PKLR: variants seen among roughly 807,000 people sequenced by gnomAD.
PKLR encodes pyruvate kinase PKLR.
Under a neutral mutation model 53.6 loss-of-function variants are expected in PKLR, and 38 were observed. That is an observed-to-expected ratio of 0.71 (90% CI 0.55 to 0.93). PKLR has a LOEUF of 0.93. Ranked by LOEUF, PKLR falls within the 40% of genes least tolerant of loss-of-function variation. The pLI is 0.00. For synonymous variants in PKLR, 328 were observed against 316.2 expected (o/e 1.04, Z -0.39); for missense variants, 702 against 787.3 (o/e 0.89, Z 1.30).
At position 155,299,034 on chromosome 1, in the gene PKLR, CTCT is replaced by C. The variant is rs1557963495; in HGVS notation, c.283+1061_283+1063del. 9.7e-3 allele frequency among the ~76,000 whole-genome samples: 591 copies of C among 60,992 alleles called. 24 individuals are homozygous for C. The highest frequency in any genetic ancestry group is 0.034 in the African/African-American group (371 of 10,906). The allele number at this position is 60,992 out of a possible 152,430, so 40.0% of individuals were successfully genotyped here. ...TCTTTCTTTCTTTCTTTCTTTCTTT[CTCT>C]TTCTTTCTTTCTTTCCTTCCTTCCT... On this transcript the variant is annotated intron_variant, in intron 2 of 10. Transcript: ENST00000342741.
At chr1:155,294,892 C>G in intron 5 of PKLR, 140 bp from the exon 6 acceptor site, 1 of 1,216,084 alleles carries the variant, frequency 8.2e-7, no homozygotes, top group South Asian at 1.3e-5. Flanking sequence ...TGGGCTTCGC[C>G]CGGAAGAGGC....
Position 155,294,335 on chromosome 1 carries a change from T to TC in PKLR, c.1015dup (p.Asp339GlyfsTer62), listed in dbSNP as rs1193689718. 1 of 1,613,286 alleles carries TC rather than the reference T, an allele frequency of 6.2e-7. No homozygotes were observed. Among genetic ancestry groups the TC allele is most frequent in the Non-Finnish European group, 8.5e-7 (1 of 1,179,822 alleles). ...CTCTGCTGGGATCTCGATGCCTAGG[T>TC]CCCCCCGTGCCACCATGATGCCGTC... On this transcript the variant is annotated frameshift_variant, in exon 7 of 11. Coordinates refer to ENST00000342741, the MANE Select transcript of PKLR (RefSeq NM_000298.6). LOFTEE classifies it high-confidence loss of function.
rs765388322 is a variant in PKLR, at chr1:155,293,205, C to A, written c.1408G>T (p.Ala470Ser). The change falls in exon 9 of 11, where the codon GCC (alanine) becomes TCC (serine). Residue 470 changes from alanine to serine, a missense_variant. Transcript: ENST00000342741. This position sits in a 1 kb window ranked among gnomAD's most constrained non-coding sequence, Gnocchi z 4.2. ...VEAAFKCCAAAIIVLTTTGRS... is the reference protein window; with the variant it reads ...VEAAFKCCAASIIVLTTTGRS... ...CCAGTTGTGGTCAGCACAATGATGG[C>A]AGCAGCACAGCACTTGAAGGCAGCC... 5.6e-6 allele frequency: 9 copies of A among 1,613,992 alleles called. No individual in the cohort carries two copies. The highest frequency in any genetic ancestry group is 1.6e-4 in the Middle Eastern group (1 of 6,084).
At chr1:155,297,190 C>G (rs1647648729) in intron 2 of PKLR, among the ~76,000 whole-genome samples, 1 of 152,202 alleles carries the variant, frequency 6.6e-6, no homozygotes, top group African/African-American at 2.4e-5. Flanking sequence ...ATGTAGCCAA[C>G]TCCCAAATGT....
Position 155,293,432 on chromosome 1 carries a change from T to C in PKLR, c.1269+6A>G. On this transcript the variant is annotated splice_donor_region_variant and intron_variant, in intron 8 of 10. Coordinates refer to ENST00000342741, the MANE Select transcript of PKLR (RefSeq NM_000298.6). The surrounding 1 kb of genome is among the most constrained non-coding windows in gnomAD (Gnocchi z 4.2). ...GGCCCATTTGCTTTTCATTCTGAGC[T>C]CCTACCGCATGCTGCATCTTCACCG... 1 of 1,614,184 alleles carries C rather than the reference T, an allele frequency of 6.2e-7. No individual in the cohort carries two copies.
At chr1:155,308,081 G>T in the PKLR span, among the ~76,000 whole-genome samples, 9 of 145,938 alleles carry the variant, frequency 6.2e-5, no homozygotes, top group African/African-American at 2.0e-4. Context: ...TTTTGAGACG[G>T]AGTCTTGCTC....
intron 5 of PKLR, 74 bp from the exon 6 acceptor site, chr1:155,294,826 G>C: frequency 6.4e-7 from 1 of 1,555,128 alleles, no homozygotes; most frequent in Non-Finnish European, 8.8e-7. Context: ...GGACACTGGG[G>C]CTTGGACCCG....
intron 1 of PKLR, chr1:155,300,750 C>T: frequency 9.7e-7 from 1 of 1,030,012 alleles, no homozygotes; most frequent in Non-Finnish European, 1.5e-6. Flanking sequence ...TCCCTTCCAA[C>T]CCCTGGCTAC....
rs1454650109 is a variant in PKLR, at chr1:155,294,636, C to A, written c.811G>T (p.Asp271Tyr). The part of the protein sequence containing the change: ...LPGLSEQDVR[D>Y]LRFGVEHGVD... ...CCATGCTCCACCCCGAAGCGCAGGTCTCGGACGTCCTGCTCGGACAGCCCG... is the reference window on the plus strand; with the variant it reads ...CCATGCTCCACCCCGAAGCGCAGGTATCGGACGTCCTGCTCGGACAGCCCG... The change falls in exon 6 of 11, where the codon GAC becomes TAC. Residue 271 changes from aspartate (D) to tyrosine (Y), a missense_variant. Asp to Tyr is a radical substitution (Grantham distance 160). Coordinates refer to ENST00000342741, the MANE Select transcript of PKLR (RefSeq NM_000298.6). 1.2e-6 allele frequency: 2 copies of A among 1,614,204 alleles called. No individual in the cohort carries two copies. The highest frequency in any genetic ancestry group is 1.7e-5 in the Admixed American group (1 of 60,036).
Position 155,295,166 on chromosome 1 carries a change from C to T in PKLR, c.644G>A (p.Gly215Asp), listed in dbSNP as rs1052308239. ...PNIVRVVPVGGRIYIDDGLIS... is the reference protein window; with the variant it reads ...PNIVRVVPVGDRIYIDDGLIS... The stretch of plus-strand genomic sequence containing the variant: ...GAGCCCGTCGTCAATGTAGATGCGG[C>T]CCCCCACCGGCACGACCCGGACAAT... The change falls in exon 5 of 11, where the codon GGC (glycine) becomes GAC (aspartate). Residue 215 changes from glycine (G) to aspartate (D), a missense_variant. Gly to Asp is a moderately conservative substitution (Grantham distance 94). This residue lies in a region of PKLR where 519 missense variants were observed against 537.1 expected (regional missense o/e 0.97). Coordinates refer to ENST00000342741, the MANE Select transcript of PKLR (RefSeq NM_000298.6). This position sits in a 1 kb window ranked among gnomAD's most constrained non-coding sequence, Gnocchi z 4.3. The T allele has an allele frequency of 5.0e-6, 8 of 1,613,944 alleles. No homozygotes were observed. The highest frequency in any genetic ancestry group is 2.2e-5 in the East Asian group (1 of 44,888).
In PKLR at chr1:155,293,211, C is replaced by A. The variant is rs1267288023; in HGVS notation, c.1402G>T (p.Ala468Ser). The A allele has an allele frequency of 6.2e-7, 1 of 1,614,160 alleles. No homozygotes were observed. Among genetic ancestry groups the A allele is most frequent in the Admixed American group, 1.7e-5 (1 of 60,012 alleles). ...GTGGTCAGCACAATGATGGCAGCAG[C>A]ACAGCACTTGAAGGCAGCCTCCACA... ...GAVEAAFKCC[A>S]AAIIVLTTTG... Residue 468 changes from alanine (A) to serine (S), a missense_variant, in exon 9 of 11, where the codon GCT becomes TCT. Ala to Ser is a moderately conservative substitution (Grantham distance 99). Around this residue, in one of 2 missense-constraint regions of PKLR, gnomAD observed 183 missense variants for 250.2 expected, o/e 0.73. Transcript: ENST00000342741. The surrounding 1 kb of genome is among the most constrained non-coding windows in gnomAD (Gnocchi z 4.2).
chr1:155,308,415 C>T, the PKLR span: 9 of 319,958 alleles, frequency 2.8e-5, no homozygotes, highest in Non-Finnish European at 4.1e-5. Context: ...CACATTACCT[C>T]ATGGTATTAC....
rs763878359 is a variant in PKLR, at chr1:155,291,756, C to A, written c.1618G>T (p.Gly540Ter). 1 of 1,613,926 alleles carries A rather than the reference C, an allele frequency of 6.2e-7. No homozygotes were observed. Among genetic ancestry groups the A allele is most frequent in the East Asian group, 2.2e-5 (1 of 44,882 alleles). Residue 540 changes from glycine to a stop codon, truncating the protein, a stop_gained and splice_region_variant, in exon 10 of 11, where the codon GGA becomes TGA. Coordinates refer to ENST00000342741, the MANE Select transcript of PKLR (RefSeq NM_000298.6). LOFTEE classifies it high-confidence loss of function. ...DRRVQFGIES[G>*]KLRGFLRVGD... is the part of the protein sequence containing the mutation. ...GGCAGGGAAGGTCTAGGTAGCTCAC[C>A]ACTTTCAATGCCAAATTGCACCCGG...
chr1:155,294,265 C>T lies in PKLR; in HGVS notation c.1086G>A (p.Leu362=). Residue 362 remains leucine, a synonymous_variant, in exon 7 of 11, where the codon TTG becomes TTA. Coordinates refer to ENST00000342741, the MANE Select transcript of PKLR (RefSeq NM_000298.6). ...TGGCACAGACAACAGGCTTGCCCGC[C>T]AAGTTGCAGCGCCCAATCATCATCT... ...AQKMMIGRCN[L]AGKPVVCATQ... 1.2e-6 allele frequency: 2 copies of T among 1,614,256 alleles called. No individual in the cohort carries two copies. Among genetic ancestry groups the T allele is most frequent in the Non-Finnish European group, 1.7e-6 (2 of 1,180,048 alleles).
At chr1:155,299,958 C>A (rs1364935446) in intron 2 of PKLR, 140 bp downstream of exon 2, 3 of 831,106 alleles carry the variant, frequency 3.6e-6, no homozygotes, top group African/African-American at 1.7e-5. Context: ...AAAATCTTGT[C>A]TACTATATGC....
upstream of PKLR, among the ~76,000 whole-genome samples, chr1:155,305,253 C>T (rs978637450): frequency 1.1e-4 from 16 of 152,136 alleles, no homozygotes; most frequent in African/African-American, 3.6e-4. Context: ...TTCTTTATTT[C>T]CTGAAGAAAC....
At chr1:155,304,903 G>A (rs529723090), upstream of PKLR, among the ~76,000 whole-genome samples, 2 of 152,268 alleles carry the variant, frequency 1.3e-5, no homozygotes, top group East Asian at 3.9e-4. Flanking sequence ...GGATCAACAG[G>A]CTGTTTTACA....
upstream of PKLR, among the ~76,000 whole-genome samples, chr1:155,304,356 T>C (rs1482375514): frequency 1.4e-5 from 2 of 139,960 alleles, no homozygotes; most frequent in African/African-American, 5.4e-5. Context: ...ATCACTTGAA[T>C]CCGGGAGGCA....
intron 2 of PKLR, among the ~76,000 whole-genome samples, chr1:155,296,101 G>A (rs1039754117): frequency 3.9e-5 from 6 of 152,188 alleles, no homozygotes; most frequent in Non-Finnish European, 8.8e-5. Flanking sequence ...TGGGAGCCAG[G>A]TGAGGGCGTT....
Sources: allele counts gnomAD v4.1 joint callset (sites outside exome capture counted in the v4.1 genomes callset), GRCh38; gene constraint gnomAD v4.1.1; regional missense constraint gnomAD v4.1.1; non-coding constraint Gnocchi (gnomAD v3.1); transcripts MANE v1.5; gene names NCBI Gene and HGNC (gene_info 2026-07-23, HGNC 2026-07-21).